MYO9A: variants seen among roughly 807,000 people sequenced by gnomAD.
MYO9A encodes the protein myosin IXA, also known as unconventional myosin-IXa.
Under a neutral mutation model 293.3 loss-of-function variants are expected in MYO9A, and 103 were observed. The ratio of observed to expected loss-of-function variants is 0.35; its 90% CI spans 0.30 to 0.41. The LOEUF is 0.41. Among genes scored for constraint, MYO9A ranks in the 10% least tolerant of loss-of-function variants. MYO9A has a pLI of 1.00. For missense variants in MYO9A, 2,685 were observed against 3,033.0 expected (o/e 0.89, Z 2.69); for synonymous variants, 1,001 against 1,035.7 (o/e 0.97, Z 0.64).
rs1268846325 is a variant in MYO9A at position 72,046,583 on chromosome 15, G to A, written c.-20C>T. ...ATTCATATTGGATCCTGTCCCATCAGCATGGATAGTATATGTTCAAAGTCG... is the reference window on the plus strand; with the variant it reads ...ATTCATATTGGATCCTGTCCCATCAACATGGATAGTATATGTTCAAAGTCG... On this transcript the variant is annotated 5_prime_UTR_variant, in exon 2 of 42. Coordinates refer to ENST00000356056, the MANE Select transcript of MYO9A (RefSeq NM_006901.4). 1.9e-6 allele frequency: 3 copies of A among 1,555,376 alleles called. No homozygotes were observed. The highest frequency in any genetic ancestry group is 2.6e-6 in the Non-Finnish European group (3 of 1,152,492).
chr15:71,862,139 A>G (rs1380011499), intron 33 of MYO9A, among the ~76,000 whole-genome samples: 1 of 152,074 alleles, frequency 6.6e-6, no homozygotes, highest in Admixed American at 6.5e-5. Context: ...CTCAAAAACA[A>G]AAAAAAGAAT....
At chr15:72,034,585 G>A (rs191431474) in intron 2 of MYO9A, among the ~76,000 whole-genome samples, 1 of 152,232 alleles carries the variant, frequency 6.6e-6, no homozygotes, top group Non-Finnish European at 1.5e-5. Flanking sequence ...GCCTAGAACA[G>A]TTTGTCCATT....
At chr15:71,905,762 CAAAAA>C (rs3086807) in intron 19 of MYO9A, among the ~76,000 whole-genome samples, 5 of 71,896 alleles carry the variant, frequency 7.0e-5, no homozygotes, top group African/African-American at 1.2e-4. Context: ...GACTCTGTCT[CAAAAA>C]AAAAAAAAAA....
chr15:71,984,288 C>A (rs1348240381), intron 11 of MYO9A, among the ~76,000 whole-genome samples: 1 of 152,224 alleles, frequency 6.6e-6, no homozygotes, highest in Non-Finnish European at 1.5e-5. Flanking sequence ...GCATTAAATG[C>A]ATTTTTGACT....
intron 7 of MYO9A, among the ~76,000 whole-genome samples, chr15:72,008,498 GT>G (rs1566944961): frequency 6.6e-6 from 1 of 150,838 alleles, no homozygotes; most frequent in Non-Finnish European, 1.5e-5. Flanking sequence ...GGGTGTGTGT[GT>G]GTGTGTATGT....
chr15:72,103,507 A>G (rs1361438452), intron 1 of MYO9A, among the ~76,000 whole-genome samples: 2 of 146,010 alleles, frequency 1.4e-5, no homozygotes, highest in Admixed American at 1.4e-4. Flanking sequence ...AAGCAGTGGC[A>G]GCAGAAGCAG....
upstream of MYO9A, chr15:72,118,184 G>GTCGGCCCCGCCCTGTC (rs2081077903): frequency 2.7e-6 from 1 of 364,712 alleles, no homozygotes; most frequent in Admixed American, 4.7e-5. Flanking sequence ...GCCAGCACGG[G>GTCGGCCCCGCCCTGTC]TCGGCCCCGC....
chr15:71,926,755 G>A (rs1207533679), intron 18 of MYO9A, among the ~76,000 whole-genome samples: 1 of 152,202 alleles, frequency 6.6e-6, no homozygotes, highest in Non-Finnish European at 1.5e-5. Context: ...CCAAAGCATG[G>A]TTGTTCTAGC....
At chr15:72,024,189 AG>A (rs1436777750) in intron 4 of MYO9A, among the ~76,000 whole-genome samples, 1 of 152,244 alleles carries the variant, frequency 6.6e-6, no homozygotes, top group Non-Finnish European at 1.5e-5. Flanking sequence ...CTGAAATAAA[AG>A]GATACTAGAC....
At position 71,878,345 on chromosome 15, in the gene MYO9A, T is replaced by C. The variant is rs2306576; in HGVS notation, c.5740-114A>G. On this transcript the variant is annotated intron_variant, in intron 30 of 41. Transcript: ENST00000356056. ...TAGAATAAAGATTAGGATCCTGATA[T>C]AATTTCTAATGAGCATGCCCATGAG... 209,079 of 680,318 alleles carry C rather than the reference T, an allele frequency of 0.31. 35,311 individuals carry two copies. The highest frequency in any genetic ancestry group is 0.62 in the East Asian group (19,133 of 30,816). The allele number at this position is 680,318 out of a possible 1,614,324, so 42.1% of individuals were successfully genotyped here.
At chr15:72,078,853 T>C (rs999729741) in intron 1 of MYO9A, among the ~76,000 whole-genome samples, 1 of 152,138 alleles carries the variant, frequency 6.6e-6, no homozygotes, top group Non-Finnish European at 1.5e-5. Flanking sequence ...TAAATATACA[T>C]TGCTAAGTAA....
intron 1 of MYO9A, among the ~76,000 whole-genome samples, chr15:72,056,506 G>A (rs1014529036): frequency 9.9e-5 from 15 of 152,190 alleles, no homozygotes; most frequent in Admixed American, 2.0e-4. Context: ...ACCAAACATC[G>A]TATGTTCTCG....
rs748066081 is a variant in MYO9A at position 72,045,826 on chromosome 15, A to C, written c.738T>G (p.Thr246=). 18 of 1,614,062 alleles carry C rather than the reference A, an allele frequency of 1.1e-5. No individual in the cohort carries two copies. The highest frequency in any genetic ancestry group is 5.9e-6 in the Non-Finnish European group (7 of 1,180,034). ...VISGESGSGK[T]QSTNFLIHHL... ...GGTGAATAAGAAAGTTTGTGCTTTGAGTCTTCCCAGAACCACTCTCTCCTG... is the reference window on the plus strand; with the variant it reads ...GGTGAATAAGAAAGTTTGTGCTTTGCGTCTTCCCAGAACCACTCTCTCCTG... Residue 246 remains threonine (T), a synonymous_variant, in exon 2 of 42, where the codon ACT becomes ACG. Transcript: ENST00000356056.
intron 15 of MYO9A, among the ~76,000 whole-genome samples, chr15:71,940,755 G>A (rs1049143729): frequency 3.9e-5 from 6 of 152,030 alleles, no homozygotes; most frequent in Non-Finnish European, 8.8e-5. Context: ...AAATGAATGA[G>A]CCAATCCTAA....
intron 25 of MYO9A, among the ~76,000 whole-genome samples, chr15:71,894,121 T>G (rs954641159): frequency 2.0e-5 from 3 of 152,166 alleles, no homozygotes; most frequent in Non-Finnish European, 4.4e-5. Context: ...AATACTAGTC[T>G]TACAAGGGGC....
chr15:71,897,197 G>C, intron 25 of MYO9A: 2 of 436,208 alleles, frequency 4.6e-6, no homozygotes, highest in South Asian at 4.2e-5. Context: ...TATAGGCACT[G>C]TACTGCCCTT....
chr15:71,919,167 G>C (rs909390019), intron 18 of MYO9A, among the ~76,000 whole-genome samples: 23 of 152,134 alleles, frequency 1.5e-4, no homozygotes, highest in Admixed American at 1.3e-3. Context: ...CTCCTGCAGT[G>C]CCACGCACTG....
At chr15:71,847,556 T>C in intron 39 of MYO9A, 2 of 389,388 alleles carry the variant, frequency 5.1e-6, no homozygotes, top group South Asian at 3.6e-5. Context: ...AATCTTGCAA[T>C]GGACTGAATA....
intron 1 of MYO9A, among the ~76,000 whole-genome samples, chr15:72,096,813 G>A (rs1240798683): frequency 6.6e-6 from 1 of 152,192 alleles, no homozygotes; most frequent in African/African-American, 2.4e-5. Flanking sequence ...GTTTGGAAGA[G>A]GTTGTTCCCA....
Sources: gnomAD v4.1 joint callset for allele counts (sites outside exome capture counted in the v4.1 genomes callset) on GRCh38, gnomAD v4.1.1 for gene constraint, MANE v1.5 for transcripts, NCBI Gene and HGNC (gene_info 2026-07-23, HGNC 2026-07-21) for gene names.